The following RNGTT variants were observed in gnomAD, a reference collection of about 807,000 sequenced individuals.
RNGTT encodes the protein RNA guanylyltransferase and 5'-phosphatase, also known as mRNA-capping enzyme.
A neutral mutation model predicts 79.3 loss-of-function variants in RNGTT; 33 were observed. That is an observed-to-expected ratio of 0.42 (90% CI 0.32 to 0.56). The LOEUF (loss-of-function observed/expected upper bound fraction) is 0.56. Among genes scored for constraint, RNGTT ranks in the 20% least tolerant of loss-of-function variants. The pLI is 0.17. For missense variants in RNGTT, 497 were observed against 739.1 expected, an observed-to-expected ratio of 0.67 and a Z score of 3.80; for synonymous variants, 222 against 235.9, an observed-to-expected ratio of 0.94 and a Z score of 0.54.
chr6:88,864,516 C>A (rs1179485827), intron 8 of RNGTT, among the ~76,000 whole-genome samples: 2 of 152,028 alleles, frequency 1.3e-5, no homozygotes, highest in Admixed American at 1.3e-4. Context: ...TGGTTAAGAA[C>A]CATTCATCCC....
Position 88,952,341 on chromosome 6 carries a change from G to C in RNGTT, c.64+11005C>G, listed in dbSNP as rs146326903. On this transcript the variant is annotated intron_variant, in intron 1 of 15. Transcript: ENST00000369485. ...TGATGGTATTTCTCTACCTGCCCTG[G>C]TTGCTGAACACAAAAGACAGAAATT... Among the ~76,000 whole-genome samples, 137 of 152,202 alleles carry C rather than the reference G, an allele frequency of 9.0e-4. 1 individual carries two copies. Among genetic ancestry groups the C allele is most frequent in the African/African-American group, 3.3e-3 (135 of 41,518 alleles).
At chr6:88,948,802 G>A (rs1785125279) in intron 1 of RNGTT, among the ~76,000 whole-genome samples, 2 of 97,482 alleles carry the variant, frequency 2.1e-5, no homozygotes, top group Non-Finnish European at 4.2e-5. Flanking sequence ...CTGTTGATCT[G>A]TGACCTTACC....
chr6:88,891,902 A>G lies in RNGTT; in HGVS notation c.698T>C (p.Leu233Ser). ...KERLKLGAIF[L>S]EGVTVKGVTQ... ...TACACCTTTAACAGTAACACCTTCC[A>G]AGAAAATAGCGCCCTTTAAAAAAAA... Residue 233 changes from leucine (L) to serine (S), a missense_variant, in exon 7 of 16, where the codon TTG becomes TCG. Around this residue, in one of 3 missense-constraint regions of RNGTT, gnomAD observed 440 missense variants for 671.5 expected, o/e 0.66. Coordinates refer to ENST00000369485, the MANE Select transcript of RNGTT (RefSeq NM_003800.5). 1 of 1,564,448 alleles carries G rather than the reference A, an allele frequency of 6.4e-7. No homozygotes were observed. The highest frequency in any genetic ancestry group is 8.6e-7 in the Non-Finnish European group (1 of 1,159,758).
chr6:88,784,583 A>G, intron 12 of RNGTT, among the ~76,000 whole-genome samples: 1 of 145,744 alleles, frequency 6.9e-6, no homozygotes, highest in African/African-American at 2.8e-5. Context: ...CTCTTACAGA[A>G]TGAATTGGTC....
At chr6:88,645,438 T>G (rs904292483) in intron 14 of RNGTT, among the ~76,000 whole-genome samples, 54 of 152,274 alleles carry the variant, frequency 3.5e-4, no homozygotes, top group African/African-American at 1.2e-3. Context: ...CCAAAGTAAT[T>G]TATAGATTCA....
Position 88,698,153 on chromosome 6 carries a change from CATATGATATATATGACATAT to C in RNGTT, c.1440-19754_1440-19735del, listed in dbSNP as rs796485080. Among the ~76,000 whole-genome samples, 6 of 65,788 alleles carry C rather than the reference CATATGATATATATGACATAT, an allele frequency of 9.1e-5. 1 individual carries two copies. Among genetic ancestry groups the C allele is most frequent in the Admixed American group, 5.9e-4 (4 of 6,770 alleles). 43.2% of individuals were successfully genotyped at this position (65,788 alleles called of 152,430 possible). On this transcript the variant is annotated intron_variant, in intron 13 of 15. Transcript: ENST00000369485. ...ATATATATGATATATATATGAAATA[CATATGATATATATGACATAT>C]ATATGATATATATATGAAATATATA...
chr6:88,744,191 C>T (rs1378925615), intron 13 of RNGTT, among the ~76,000 whole-genome samples: 3 of 152,094 alleles, frequency 2.0e-5, no homozygotes, highest in African/African-American at 7.2e-5. Flanking sequence ...TTGTCAACAA[C>T]TAGTAATCAT....
At chr6:88,695,430 A>G (rs1775628583) in intron 13 of RNGTT, among the ~76,000 whole-genome samples, 1 of 152,212 alleles carries the variant, frequency 6.6e-6, no homozygotes, top group Non-Finnish European at 1.5e-5. Flanking sequence ...ACTAAGCATT[A>G]GGGAAATGTA....
intron 1 of RNGTT, among the ~76,000 whole-genome samples, chr6:88,949,840 T>C (rs1195436021): frequency 6.6e-6 from 1 of 152,144 alleles, no homozygotes; most frequent in Non-Finnish European, 1.5e-5. Context: ...ATCCAGAAGA[T>C]ATAGCTAAGA....
intron 14 of RNGTT, among the ~76,000 whole-genome samples, chr6:88,645,949 A>C (rs1199811470): frequency 6.6e-6 from 1 of 152,236 alleles, no homozygotes; most frequent in Non-Finnish European, 1.5e-5. Context: ...ATGGGCAAGG[A>C]CTTCACGTCT....
At chr6:88,648,000 C>T (rs773195305) in intron 14 of RNGTT, among the ~76,000 whole-genome samples, 5 of 152,178 alleles carry the variant, frequency 3.3e-5, no homozygotes, top group Admixed American at 2.0e-4. Context: ...AGGATCTCTA[C>T]GTTTGCATTC....
At chr6:88,896,431 A>T (rs985061908) in intron 6 of RNGTT, among the ~76,000 whole-genome samples, 4 of 152,220 alleles carry the variant, frequency 2.6e-5, no homozygotes, top group East Asian at 3.8e-4. Flanking sequence ...GGCTAAAATT[A>T]TAACAGGTTA....
chr6:88,726,493 A>C lies in RNGTT; in HGVS notation c.1439+43281T>G, dbSNP rs9451066. On this transcript the variant is annotated intron_variant, in intron 13 of 15. Coordinates refer to ENST00000369485, the MANE Select transcript of RNGTT (RefSeq NM_003800.5). ...GATGATTTAACATTAACCACTGAAAATTCCCTTAACCCAGCAGGTTTCCTA... is the reference window on the plus strand; with the variant it reads ...GATGATTTAACATTAACCACTGAAACTTCCCTTAACCCAGCAGGTTTCCTA... Among the ~76,000 whole-genome samples the C allele has an allele frequency of 7.7e-3, 1,174 of 152,276 alleles. 8 individuals are homozygous for C. Among genetic ancestry groups the C allele is most frequent in the African/African-American group, 0.026 (1,089 of 41,552 alleles).
intron 13 of RNGTT, among the ~76,000 whole-genome samples, chr6:88,717,456 C>T (rs1473992436): frequency 6.6e-6 from 1 of 152,186 alleles, no homozygotes; most frequent in Non-Finnish European, 1.5e-5. Context: ...TGAGCAACTA[C>T]AGTGTCAACT....
chr6:88,768,075 AT>A (rs2127840971), intron 13 of RNGTT, among the ~76,000 whole-genome samples: 1 of 152,102 alleles, frequency 6.6e-6, no homozygotes, highest in Admixed American at 6.6e-5. Context: ...GTTCCAGATA[AT>A]TGTTCTAACA....
At chr6:88,627,347 G>A (rs1189323816) in intron 14 of RNGTT, among the ~76,000 whole-genome samples, 1 of 152,110 alleles carries the variant, frequency 6.6e-6, no homozygotes, top group Non-Finnish European at 1.5e-5. Context: ...TCAATGTATA[G>A]TTCAGATTAC....
At chr6:88,860,746 G>A (rs539848716) in intron 8 of RNGTT, among the ~76,000 whole-genome samples, 4 of 151,950 alleles carry the variant, frequency 2.6e-5, no homozygotes, top group South Asian at 2.1e-4. Context: ...AGGCCAAAGC[G>A]GAGAATCACT....
chr6:88,963,313 G>C (rs375088234), intron 1 of RNGTT, 33 bp downstream of exon 1: 2 of 1,609,752 alleles, frequency 1.2e-6, no homozygotes, highest in Non-Finnish European at 1.7e-6. Flanking sequence ...ACGTTGGAGT[G>C]TGGGGATTCG....
intron 13 of RNGTT, among the ~76,000 whole-genome samples, chr6:88,697,556 AT>A (rs1214247569): frequency 3.3e-5 from 5 of 151,530 alleles, no homozygotes; most frequent in Admixed American, 6.6e-5. Context: ...CTCAAAAAAA[AT>A]AAAATAAAAA....
Sources: allele counts gnomAD v4.1 joint callset (sites outside exome capture counted in the v4.1 genomes callset), GRCh38; gene constraint gnomAD v4.1.1; regional missense constraint gnomAD v4.1.1; transcripts MANE v1.5; gene names NCBI Gene and HGNC (gene_info 2026-07-23, HGNC 2026-07-21).